PTPRN2: variants seen among roughly 807,000 people sequenced by gnomAD.
PTPRN2 encodes the protein receptor-type tyrosine-protein phosphatase N2.
A neutral mutation model predicts 118.8 loss-of-function variants in PTPRN2; 74 were observed. That is an observed-to-expected ratio of 0.62 (90% confidence interval 0.52 to 0.76). The LOEUF is 0.76. PTPRN2 is among the 30% of genes least tolerant of loss of function. The pLI is 0.00. For missense variants in PTPRN2, 1,481 were observed against 1,394.4 expected (o/e 1.06, Z -0.99); for synonymous variants, 641 against 608.0 (o/e 1.05, Z -0.80).
intron 11 of PTPRN2, among the ~76,000 whole-genome samples, chr7:158,042,452 T>C (rs756280115): frequency 6.6e-6 from 1 of 152,188 alleles, no homozygotes; most frequent in African/African-American, 2.4e-5. Context: ...CACAGGGTAA[T>C]GCACTCTCTA....
At chr7:157,662,414 G>C (rs1795932926) in intron 13 of PTPRN2, among the ~76,000 whole-genome samples, 1 of 152,212 alleles carries the variant, frequency 6.6e-6, no homozygotes, top group Non-Finnish European at 1.5e-5. Context: ...GCCGGGCCCT[G>C]ACCCCCGAGC....
At chr7:157,841,878 G>A (rs990343750) in intron 12 of PTPRN2, among the ~76,000 whole-genome samples, 2 of 146,468 alleles carry the variant, frequency 1.4e-5, no homozygotes, top group Non-Finnish European at 3.0e-5. Context: ...GCAGCCTGCA[G>A]GGGCCCACAG....
At chr7:158,247,707 C>A (rs1796349294) in intron 3 of PTPRN2, among the ~76,000 whole-genome samples, 1 of 152,138 alleles carries the variant, frequency 6.6e-6, no homozygotes, top group Non-Finnish European at 1.5e-5. Flanking sequence ...ATCTCCGCCT[C>A]CCGGGTTCAA....
At chr7:157,656,844 C>CAA (rs1563311282) in intron 13 of PTPRN2, among the ~76,000 whole-genome samples, 1 of 123,306 alleles carries the variant, frequency 8.1e-6, no homozygotes. Context: ...CACACACACA[C>CAA]CACACACACA....
chr7:158,407,008 G>A (rs1813496757), intron 2 of PTPRN2, among the ~76,000 whole-genome samples: 1 of 152,194 alleles, frequency 6.6e-6, no homozygotes, highest in Non-Finnish European at 1.5e-5. Flanking sequence ...GAGCAAGGCT[G>A]AGCGTGCTCA....
chr7:157,775,245 G>T (rs999303630), intron 12 of PTPRN2, among the ~76,000 whole-genome samples: 3 of 152,206 alleles, frequency 2.0e-5, no homozygotes, highest in Non-Finnish European at 4.4e-5. Context: ...TCGGGTCTGC[G>T]GCAGCTACTG....
intron 11 of PTPRN2, among the ~76,000 whole-genome samples, chr7:157,940,139 C>T (rs1366510510): frequency 6.6e-6 from 1 of 152,156 alleles, no homozygotes; most frequent in Non-Finnish European, 1.5e-5. Context: ...GTTCTCTGCA[C>T]ATTTCCTTCT....
rs527848274 is a variant in PTPRN2, at chr7:157,617,457, C to T, written c.2344+3905G>A. 143 of 142,318 alleles carry T rather than the reference C, an allele frequency of 1.0e-3. No homozygotes were observed. The highest frequency in any genetic ancestry group is 3.7e-3 in the African/African-American group (139 of 37,596). The allele number at this position is 142,318 out of a possible 1,614,324, so 8.8% of individuals were successfully genotyped here. On this transcript the variant is annotated intron_variant, in intron 15 of 22. Coordinates refer to ENST00000389418, the MANE Select transcript of PTPRN2 (RefSeq NM_002847.5). This position sits in a 1 kb window ranked among gnomAD's most constrained non-coding sequence, Gnocchi z 7.5. ...GTTCACGCAGCTGCAGCGCAGAGCA[C>T]GGGCGACGCTGGCTCACGATGCCCC...
Position 158,479,891 on chromosome 7 carries a change from G to A in PTPRN2, c.163+9844C>T, listed in dbSNP as rs1022926269. Reference sequence around the variant, plus strand: ...GCGTCATCCTCGCTGCTGTGGGAGCGGGGGCTCCTGCTCTGGAGATCGACT... The same window carrying A: ...GCGTCATCCTCGCTGCTGTGGGAGCAGGGGCTCCTGCTCTGGAGATCGACT... On this transcript the variant is annotated intron_variant, in intron 2 of 22. Transcript: ENST00000389418. Among the ~76,000 whole-genome samples the A allele has an allele frequency of 2.0e-5, 3 of 152,262 alleles. No homozygotes were observed. The East Asian group carries it at 5.8e-4, about 29-fold the overall frequency.
In PTPRN2 at chr7:157,814,375, G is replaced by A. The variant is rs192300052; in HGVS notation, c.1788+84298C>T. Among the ~76,000 whole-genome samples, 926 of 152,240 alleles carry A rather than the reference G, an allele frequency of 6.1e-3. 20 individuals are homozygous for A. The highest frequency in any genetic ancestry group is 0.021 in the African/African-American group (879 of 41,536). On this transcript the variant is annotated intron_variant, in intron 12 of 22. Coordinates refer to ENST00000389418, the MANE Select transcript of PTPRN2 (RefSeq NM_002847.5). Reference sequence around the variant, plus strand: ...AGCAATGGCTTCCTCAGCGTTTGACGGGCAGGGAGAAGGGTGGGGAGGCCA... The same window carrying A: ...AGCAATGGCTTCCTCAGCGTTTGACAGGCAGGGAGAAGGGTGGGGAGGCCA...
rs1261565801 is a variant in PTPRN2 at position 157,629,685 on chromosome 7, C to A, written c.2197-8176G>T. 6.6e-6 allele frequency among the ~76,000 whole-genome samples: 1 copy of A among 152,226 alleles called. No homozygotes were observed. The highest frequency in any genetic ancestry group is 6.5e-5 in the Admixed American group (1 of 15,286). ...ACAACGATGCTGCCAGCAGTGGAGA[C>A]TTCTTCCCACTGTAGAACAAGGCGT... On this transcript the variant is annotated intron_variant, in intron 14 of 22. Transcript: ENST00000389418. This position sits in a 1 kb window ranked among gnomAD's most constrained non-coding sequence, Gnocchi z 4.4.
chr7:158,523,963 T>C (rs1363354785), intron 1 of PTPRN2, among the ~76,000 whole-genome samples: 9 of 42,804 alleles, frequency 2.1e-4, no homozygotes, highest in Admixed American at 1.4e-3. Context: ...TGCCCTGGAG[T>C]GGAGTCGGCC....
chr7:157,942,645 G>A (rs1298869804), intron 11 of PTPRN2, among the ~76,000 whole-genome samples: 1 of 151,992 alleles, frequency 6.6e-6, no homozygotes, highest in African/African-American at 2.4e-5. Flanking sequence ...CCTGTACATC[G>A]CAAGTGTCTA....
chr7:157,950,596 G>T (rs1800746761), intron 11 of PTPRN2, among the ~76,000 whole-genome samples: 1 of 152,190 alleles, frequency 6.6e-6, no homozygotes, highest in African/African-American at 2.4e-5. Flanking sequence ...CCATTTCTCT[G>T]ACGTCTCTAG....
intron 11 of PTPRN2, among the ~76,000 whole-genome samples, chr7:157,942,173 G>GAA (rs1216189960): frequency 6.2e-4 from 22 of 35,508 alleles, no homozygotes; most frequent in African/African-American, 2.2e-3. Flanking sequence ...ACACACAGGG[G>GAA]TCCTCGGCCC....
chr7:157,705,599 C>G (rs1231217612), intron 12 of PTPRN2, among the ~76,000 whole-genome samples: 1 of 150,608 alleles, frequency 6.6e-6, no homozygotes, highest in Non-Finnish European at 1.5e-5. Flanking sequence ...GATCACATCC[C>G]CCAGAATGCT....
At chr7:158,579,965 G>T (rs1828539410) in intron 1 of PTPRN2, among the ~76,000 whole-genome samples, 1 of 152,226 alleles carries the variant, frequency 6.6e-6, no homozygotes, top group African/African-American at 2.4e-5. Context: ...AAATCAGATG[G>T]AAGTCCAGTG....
chr7:158,143,448 C>T (rs568854816), intron 6 of PTPRN2, among the ~76,000 whole-genome samples: 26 of 152,340 alleles, frequency 1.7e-4, no homozygotes, highest in African/African-American at 5.8e-4. Context: ...CGAGGGATGT[C>T]TCCACACATG....
chr7:157,888,000 T>C (rs4716795), intron 12 of PTPRN2, among the ~76,000 whole-genome samples: 128,715 of 149,690 alleles, frequency 0.86, 55,482 homozygotes, highest in East Asian at 1. Flanking sequence ...GAGCTTCCCA[T>C]GTGCTCTTGG....
Sources: gnomAD v4.1 joint callset for allele counts (sites outside exome capture counted in the v4.1 genomes callset) on GRCh38, gnomAD v4.1.1 for gene constraint, Gnocchi (gnomAD v3.1) non-coding constraint, MANE v1.5 for transcripts, NCBI Gene and HGNC (gene_info 2026-07-23, HGNC 2026-07-21) for gene names.